NOTCH3: variants seen among roughly 807,000 people sequenced by gnomAD.
NOTCH3 encodes notch receptor 3.
Under a neutral mutation model 213.3 loss-of-function variants are expected in NOTCH3, and 86 were observed. The observed-to-expected ratio is 0.40, with a 90% CI of 0.34 to 0.48. The LOEUF (loss-of-function observed/expected upper bound fraction) is 0.48, where lower values mean the gene tolerates loss of function less well. Ranked by LOEUF, NOTCH3 falls within the 20% of genes least tolerant of loss-of-function variation. The pLI, the probability that NOTCH3 is intolerant of heterozygous loss-of-function variation, is 0.57. For missense variants in NOTCH3, 2,783 were observed against 3,272.6 expected, an observed-to-expected ratio of 0.85 and a Z score of 3.65; for synonymous variants, 1,354 against 1,355.9, an observed-to-expected ratio of 1.00 and a Z score of 0.03.
Position 15,161,568 on chromosome 19 carries a change from G to T in NOTCH3, c.6060C>A (p.Ile2020=). 3.1e-6 allele frequency: 5 copies of T among 1,610,220 alleles called. No homozygotes were observed. The highest frequency in any genetic ancestry group is 4.2e-6 in the Non-Finnish European group (5 of 1,178,492). The change falls in exon 33 of 33, where the codon ATC becomes ATA. Residue 2020 remains isoleucine, a synonymous_variant. Coordinates refer to ENST00000263388, the MANE Select transcript of NOTCH3 (RefSeq NM_000435.3). ...DVAQERLHQD[I]VRLLDQPSGP... Reference sequence around the variant, plus strand: ...CACTGGGTTGATCCAGCAAGCGCACGATGTCCTGGTGCAGTCTCTCCTGGG... The same window carrying T: ...CACTGGGTTGATCCAGCAAGCGCACTATGTCCTGGTGCAGTCTCTCCTGGG...
chr19:15,169,489 C>G (rs55948486), intron 28 of NOTCH3, among the ~76,000 whole-genome samples: 17,293 of 151,914 alleles, frequency 0.11, 3,019 homozygotes, highest in African/African-American at 0.38. Flanking sequence ...CCTGCCTCAG[C>G]CTCCCAAGTA....
chr19:15,168,644 G>A lies in NOTCH3; in HGVS notation c.5200-1233C>T, dbSNP rs573754479. Among the ~76,000 whole-genome samples, 3 of 152,064 alleles carry A rather than the reference G, an allele frequency of 2.0e-5. No homozygotes were observed. The East Asian group carries it at 5.8e-4, about 30-fold the overall frequency. ...AGGTCTGCAGCTTGAGACCAGCCTG[G>A]CCAACATGGTGAAACCCCATCTCTA... On this transcript the variant is annotated intron_variant, in intron 28 of 32. Coordinates refer to ENST00000263388, the MANE Select transcript of NOTCH3 (RefSeq NM_000435.3).
Position 15,185,327 on chromosome 19 carries a change from C to A in NOTCH3, c.2226G>T (p.Pro742=), listed in dbSNP as rs79471197. The A allele has an allele frequency of 1.2e-6, 2 of 1,612,498 alleles. No homozygotes were observed. The highest frequency in any genetic ancestry group is 1.7e-5 in the Admixed American group (1 of 59,966). The part of the protein sequence containing the change: ...SLARDACESQ[P]CRAGGTCSSD... Reference sequence around the variant, plus strand: ...TGCTGCATGTCCCACCGGCCCTGCACGGCTGGGACTCACAGGCGTCTCGGG... The same window carrying A: ...TGCTGCATGTCCCACCGGCCCTGCAAGGCTGGGACTCACAGGCGTCTCGGG... The change falls in exon 14 of 33, where the codon CCG becomes CCT. Residue 742 remains proline (P), a synonymous_variant. Transcript: ENST00000263388. This position sits in a 1 kb window ranked among gnomAD's most constrained non-coding sequence, Gnocchi z 4.2.
intron 25 of NOTCH3, among the ~76,000 whole-genome samples, chr19:15,173,813 C>A (rs1287814105): frequency 6.7e-6 from 1 of 149,388 alleles, no homozygotes; most frequent in African/African-American, 2.5e-5. Flanking sequence ...AGAAAAAAAC[C>A]CTACACATGT....
rs1418509802 is a variant in NOTCH3 at position 15,180,053 on chromosome 19, C to G, written c.3327+19G>C. 1.3e-6 allele frequency: 2 copies of G among 1,575,180 alleles called. No homozygotes were observed. Among genetic ancestry groups the G allele is most frequent in the South Asian group, 1.1e-5 (1 of 90,280 alleles). On this transcript the variant is annotated intron_variant, in intron 20 of 32. Transcript: ENST00000263388. ...GCATGCCCACCTCCTCTTCCCTCTCCTGGGGAGCGCCCCCTTACCTCACAC... is the reference window on the plus strand; with the variant it reads ...GCATGCCCACCTCCTCTTCCCTCTCGTGGGGAGCGCCCCCTTACCTCACAC...
intron 25 of NOTCH3, among the ~76,000 whole-genome samples, chr19:15,171,593 G>A (rs2046734834): frequency 6.6e-6 from 1 of 152,038 alleles, no homozygotes; most frequent in East Asian, 1.9e-4. Context: ...GAACTCCGGG[G>A]CTCAAGCAAT....
At position 15,161,306 on chromosome 19, in the gene NOTCH3, G is replaced by T; in HGVS notation, c.6322C>A (p.Pro2108Thr). The stretch of plus-strand genomic sequence containing the variant: ...GCAGGGGGCCCACCGAAAGGCCGCG[G>T]GGAGTCCAGCGAGTCCACGGGCGAC... Reference protein sequence around the residue: ...TLSPVDSLDSPRPFGGPPASP... With the variant: ...TLSPVDSLDSTRPFGGPPASP... Residue 2108 changes from proline (P) to threonine (T), a missense_variant, in exon 33 of 33, where the codon CCG becomes ACG. By Grantham distance (38) the Pro-to-Thr change is conservative. Transcript: ENST00000263388. 1 of 1,532,492 alleles carries T rather than the reference G, an allele frequency of 6.5e-7. No individual in the cohort carries two copies. The highest frequency in any genetic ancestry group is 1.2e-5 in the South Asian group (1 of 81,626). 94.9% of individuals were successfully genotyped at this position (1,532,492 alleles called of 1,614,324 possible). A position where few individuals can be genotyped will look rare whatever the true frequency, so the allele number is the denominator to read the frequency against.
At position 15,174,375 on chromosome 19, in the gene NOTCH3, C is replaced by T. The variant is rs975580649; in HGVS notation, c.4429G>A (p.Asp1477Asn). 2.0e-6 allele frequency: 3 copies of T among 1,536,302 alleles called. No individual in the cohort carries two copies. The South Asian group carries it at 3.6e-5, about 18-fold the overall frequency. Residue 1477 changes from aspartate (D) to asparagine (N), a missense_variant, in exon 25 of 33, where the codon GAC becomes AAC. By Grantham distance (23) the Asp-to-Asn change is conservative. Transcript: ENST00000263388. ...CNPVYEKYCADHFADGRCDQG... is the reference protein window; with the variant it reads ...CNPVYEKYCANHFADGRCDQG... ...TCGCAGCGGCCGTCGGCAAAGTGGTCGGCGCAGTACTTCTCGTACACCGGG... is the reference window on the plus strand; with the variant it reads ...TCGCAGCGGCCGTCGGCAAAGTGGTTGGCGCAGTACTTCTCGTACACCGGG...
chr19:15,191,316 A>G, intron 6 of NOTCH3, 108 bp downstream of exon 6: 1 of 1,015,912 alleles, frequency 9.8e-7, no homozygotes, highest in Non-Finnish European at 1.5e-6. Flanking sequence ...TACAGGCATG[A>G]GCCACTGTGC....
chr19:15,180,096 G>C lies in NOTCH3; in HGVS notation c.3303C>G (p.Gly1101=). 1 of 1,611,836 alleles carries C rather than the reference G, an allele frequency of 6.2e-7. No individual in the cohort carries two copies. Among genetic ancestry groups the C allele is most frequent in the East Asian group, 2.2e-5 (1 of 44,840 alleles). Residue 1101 remains glycine (G), a synonymous_variant, in exon 20 of 33, where the codon GGC becomes GGG. Transcript: ENST00000263388. Reference sequence around the variant, plus strand: ...CCTCACACATGTAGCCCCCCATATAGCCACGGCAGGTCCCCCCATGCTGGC... The same window carrying C: ...CCTCACACATGTAGCCCCCCATATACCCACGGCAGGTCCCCCCATGCTGGC... ...QPCQHGGTCR[G]YMGGYMCECL... is the part of the protein sequence containing the mutation.
Position 15,161,353 on chromosome 19 carries a change from AG to A in NOTCH3, c.6274del (p.Leu2092TrpfsTer57). 7 of 1,525,840 alleles carry A rather than the reference AG, an allele frequency of 4.6e-6. No homozygotes were observed. Among genetic ancestry groups the A allele is most frequent in the Admixed American group, 2.1e-5 (1 of 48,568 alleles). The allele number at this position is 1,525,840 out of a possible 1,614,324, so 94.5% of individuals were successfully genotyped here. ...KKLTLACPGPLADSSVTLSPV... is the reference protein window; with the variant it reads ...KKLTLACPGPXADSSVTLSPV... ...CGACAGCGTGACCGAGCTGTCAGCC[AG>A]GGGGCCCGGGCAGGCCAGCGTCAGC... On this transcript the variant is annotated frameshift_variant, in exon 33 of 33. Coordinates refer to ENST00000263388, the MANE Select transcript of NOTCH3 (RefSeq NM_000435.3). LOFTEE classifies it low-confidence loss of function (END_TRUNC).
chr19:15,175,492 C>T (rs1251116426), intron 24 of NOTCH3, among the ~76,000 whole-genome samples: 2 of 138,590 alleles, frequency 1.4e-5, no homozygotes, highest in Non-Finnish European at 3.0e-5. Context: ...CAAGATCACA[C>T]CACTGCACTC....
chr19:15,200,381 T>TG (rs1002711819), intron 1 of NOTCH3, among the ~76,000 whole-genome samples: 4 of 147,788 alleles, frequency 2.7e-5, no homozygotes, highest in African/African-American at 5.0e-5. Flanking sequence ...GGGGGCGGGG[T>TG]GGGGGGGCTT....
intron 12 of NOTCH3, among the ~76,000 whole-genome samples, chr19:15,186,420 T>TGTGTGTG: frequency 7.2e-6 from 1 of 138,852 alleles, no homozygotes; most frequent in East Asian, 2.1e-4. Flanking sequence ...TGTGTGTGTG[T>TGTGTGTG]TTGAAATGAA....
In NOTCH3 at chr19:15,191,404, C is replaced by A. The variant is rs746793327; in HGVS notation, c.1036+20G>T. ...ACTAAAAACCATCCATGGCTCCCTGCAGAGAAAACGGCCACTCACCAGTCT... is the reference window on the plus strand; with the variant it reads ...ACTAAAAACCATCCATGGCTCCCTGAAGAGAAAACGGCCACTCACCAGTCT... On this transcript the variant is annotated intron_variant, in intron 6 of 32. Transcript: ENST00000263388. 1.2e-6 allele frequency: 2 copies of A among 1,603,490 alleles called. No homozygotes were observed. Among genetic ancestry groups the A allele is most frequent in the South Asian group, 1.1e-5 (1 of 90,790 alleles).
At chr19:15,168,492 T>G (rs2046703820) in intron 28 of NOTCH3, among the ~76,000 whole-genome samples, 3 of 152,108 alleles carry the variant, frequency 2.0e-5, no homozygotes, top group Admixed American at 6.6e-5. Context: ...AGCGGGTGCC[T>G]CAGTAATGCT....
chr19:15,185,057 TGAGG>T lies in NOTCH3; in HGVS notation c.2297-42_2297-39del. Reference sequence around the variant, plus strand: ...GAAGAGAGGGAAGCAGAGATAGCCTTGAGGGACTCCCTGATCCCATCTCCCCCCA... The same window carrying T: ...GAAGAGAGGGAAGCAGAGATAGCCTTGACTCCCTGATCCCATCTCCCCCCA... On this transcript the variant is annotated intron_variant, in intron 14 of 32. Coordinates refer to ENST00000263388, the MANE Select transcript of NOTCH3 (RefSeq NM_000435.3). This position sits in a 1 kb window ranked among gnomAD's most constrained non-coding sequence, Gnocchi z 4.2. 3 of 1,310,820 alleles carry T rather than the reference TGAGG, an allele frequency of 2.3e-6. No individual in the cohort carries two copies. Among genetic ancestry groups the T allele is most frequent in the Non-Finnish European group, 3.2e-6 (3 of 947,478 alleles). 81.2% of individuals were successfully genotyped at this position (1,310,820 alleles called of 1,614,324 possible).
rs1349292572 is a variant in NOTCH3, at chr19:15,170,182, T to C, written c.5115-12A>G. On this transcript the variant is annotated splice_polypyrimidine_tract_variant and intron_variant, in intron 27 of 32. Transcript: ENST00000263388. ...CCTTGGCCATGTTCCTGGCGGACAA[T>C]GGGAAGAGGGGATGTGAGGGGGACA... 1 of 1,591,794 alleles carries C rather than the reference T, an allele frequency of 6.3e-7. No homozygotes were observed. Among genetic ancestry groups the C allele is most frequent in the Non-Finnish European group, 8.6e-7 (1 of 1,165,796 alleles).
Position 15,180,260 on chromosome 19 carries a change from C to G in NOTCH3, c.3143-4G>C. 6.2e-7 allele frequency: 1 copy of G among 1,613,742 alleles called. No individual in the cohort carries two copies. Among genetic ancestry groups the G allele is most frequent in the Non-Finnish European group, 8.5e-7 (1 of 1,179,994 alleles). ...CACAGCTGCTCCAGCCGCACCCCTG[C>G]AAAGAGGAGAGTGGCACAGGAACAG... On this transcript the variant is annotated splice_polypyrimidine_tract_variant and splice_region_variant and intron_variant, in intron 19 of 32. Coordinates refer to ENST00000263388, the MANE Select transcript of NOTCH3 (RefSeq NM_000435.3).
Sources: gnomAD v4.1 joint callset for allele counts (sites outside exome capture counted in the v4.1 genomes callset) on GRCh38, gnomAD v4.1.1 for gene constraint, Gnocchi (gnomAD v3.1) non-coding constraint, MANE v1.5 for transcripts, NCBI Gene and HGNC (gene_info 2026-07-23, HGNC 2026-07-21) for gene names.